The following CNTN5 variants were observed in gnomAD, a reference collection of about 807,000 sequenced individuals.
CNTN5 encodes the protein contactin-5.
A neutral mutation model predicts 129.1 loss-of-function variants in CNTN5; 77 were observed. That is an observed-to-expected ratio of 0.60 (90% confidence interval 0.50 to 0.72). The LOEUF (loss-of-function observed/expected upper bound fraction) is 0.72, where lower values mean the gene tolerates loss of function less well. CNTN5 is among the 30% of genes least tolerant of loss of function. The probability of loss-of-function intolerance (pLI) is 0.00; values close to 1 mark genes in which losing one functional copy is unlikely to be tolerated. For missense variants in CNTN5, 1,478 were observed against 1,328.8 expected, an observed-to-expected ratio of 1.11 and a Z score of -1.75; for synonymous variants, 509 against 465.6, an observed-to-expected ratio of 1.09 and a Z score of -1.20.
chr11:99,442,742 C>T (rs1943890879), intron 2 of CNTN5, among the ~76,000 whole-genome samples: 1 of 152,100 alleles, frequency 6.6e-6, no homozygotes, highest in Non-Finnish European at 1.5e-5. Flanking sequence ...GCACTTTAAA[C>T]CTCTATGGTA....
intron 1 of CNTN5, among the ~76,000 whole-genome samples, chr11:99,124,484 T>C (rs1858518744): frequency 6.6e-6 from 1 of 152,002 alleles, no homozygotes; most frequent in African/African-American, 2.4e-5. Context: ...CAGGGATGTA[T>C]ATAGCACTAA....
chr11:99,921,068 C>T (rs1184286296), intron 7 of CNTN5, among the ~76,000 whole-genome samples: 1 of 152,166 alleles, frequency 6.6e-6, no homozygotes, highest in Admixed American at 6.5e-5. Flanking sequence ...TCATCAGAAA[C>T]CAACCATGCT....
chr11:99,766,532 T>C (rs939666408), intron 3 of CNTN5, among the ~76,000 whole-genome samples: 9 of 152,062 alleles, frequency 5.9e-5, no homozygotes, highest in Non-Finnish European at 1.0e-4. Flanking sequence ...TGAAAACTAA[T>C]ATAAAGTTCT....
At chr11:99,782,348 A>C (rs1463672052) in intron 3 of CNTN5, among the ~76,000 whole-genome samples, 1 of 149,596 alleles carries the variant, frequency 6.7e-6, no homozygotes, top group Admixed American at 6.6e-5. Context: ...AAATGGAAGA[A>C]CATTCCATGC....
At chr11:100,228,162 T>C (rs1459023321) in intron 16 of CNTN5, among the ~76,000 whole-genome samples, 1 of 152,188 alleles carries the variant, frequency 6.6e-6, no homozygotes, top group Non-Finnish European at 1.5e-5. Flanking sequence ...CTATTTGTAT[T>C]ACTCTGCTTC....
intron 2 of CNTN5, among the ~76,000 whole-genome samples, chr11:99,465,636 AT>A (rs11400212): frequency 6.6e-6 from 1 of 150,462 alleles, no homozygotes; most frequent in African/African-American, 2.4e-5. Context: ...GAATAAATTA[AT>A]TTTTTTTAGA....
intron 4 of CNTN5, among the ~76,000 whole-genome samples, chr11:99,835,611 C>T (rs1473664853): frequency 6.6e-6 from 1 of 152,124 alleles, no homozygotes; most frequent in African/African-American, 2.4e-5. Flanking sequence ...TACGTAATAG[C>T]ACTGGGCCTT....
chr11:99,862,795 AG>A, intron 6 of CNTN5, among the ~76,000 whole-genome samples: 1 of 152,258 alleles, frequency 6.6e-6, no homozygotes, highest in South Asian at 2.1e-4. Context: ...TAAATATAAT[AG>A]CTCATTAGAG....
chr11:100,326,921 G>C (rs1284724452), intron 21 of CNTN5, among the ~76,000 whole-genome samples: 1 of 152,170 alleles, frequency 6.6e-6, no homozygotes, highest in African/African-American at 2.4e-5. Context: ...TTGAGAATGT[G>C]ATTGAACGTT....
intron 1 of CNTN5, among the ~76,000 whole-genome samples, chr11:99,071,450 A>T (rs1865338116): frequency 6.6e-6 from 1 of 152,178 alleles, no homozygotes; most frequent in East Asian, 1.9e-4. Context: ...AAAACAAAAA[A>T]ATTGCACAAG....
intron 6 of CNTN5, among the ~76,000 whole-genome samples, chr11:99,873,768 C>T (rs1948564150): frequency 6.6e-6 from 1 of 152,098 alleles, no homozygotes; most frequent in Non-Finnish European, 1.5e-5. Flanking sequence ...TCATGTTTAT[C>T]ATAGCACTGT....
chr11:99,270,419 C>A (rs557408496), intron 1 of CNTN5, among the ~76,000 whole-genome samples: 3 of 151,916 alleles, frequency 2.0e-5, no homozygotes, highest in African/African-American at 7.2e-5. Context: ...ACCTTCTTAA[C>A]CTTCTTACCT....
At chr11:99,809,442 T>C (rs1946366784) in intron 3 of CNTN5, among the ~76,000 whole-genome samples, 1 of 152,186 alleles carries the variant, frequency 6.6e-6, no homozygotes, top group African/African-American at 2.4e-5. Context: ...ATGTGGGATA[T>C]ATAATAATCA....
At chr11:100,204,146 A>G (rs1223804783) in intron 15 of CNTN5, among the ~76,000 whole-genome samples, 2 of 150,476 alleles carry the variant, frequency 1.3e-5, no homozygotes, top group Non-Finnish European at 1.5e-5. Flanking sequence ...GTTAGTTAGG[A>G]ACATACTTAT....
intron 2 of CNTN5, among the ~76,000 whole-genome samples, chr11:99,480,690 C>T (rs1945561999): frequency 6.6e-6 from 1 of 152,050 alleles, no homozygotes; most frequent in African/African-American, 2.4e-5. Flanking sequence ...AAATTCATAA[C>T]TTCTAATATG....
chr11:99,891,694 T>C (rs576372421), intron 6 of CNTN5, among the ~76,000 whole-genome samples: 1 of 152,340 alleles, frequency 6.6e-6, no homozygotes, highest in East Asian at 1.9e-4. Flanking sequence ...TATTCCTTGG[T>C]GTTTATGTGC....
chr11:99,305,224 A>C (rs1164473078), intron 1 of CNTN5, among the ~76,000 whole-genome samples: 1 of 152,192 alleles, frequency 6.6e-6, no homozygotes, highest in Non-Finnish European at 1.5e-5. Flanking sequence ...TCTCTGAATG[A>C]ATTATGAGAT....
chr11:99,658,141 C>G (rs964667856), intron 3 of CNTN5, among the ~76,000 whole-genome samples: 3 of 151,940 alleles, frequency 2.0e-5, no homozygotes, highest in Non-Finnish European at 2.9e-5. Flanking sequence ...AGTGTGCAAA[C>G]ACAAAAGCAA....
At chr11:99,997,262 T>C (rs1311001646) in intron 8 of CNTN5, among the ~76,000 whole-genome samples, 3 of 152,224 alleles carry the variant, frequency 2.0e-5, no homozygotes, top group Non-Finnish European at 4.4e-5. Context: ...ATTTTAGTTA[T>C]ATCTTGCCTT....
Sources: gnomAD v4.1 joint callset for allele counts (sites outside exome capture counted in the v4.1 genomes callset) on GRCh38, gnomAD v4.1.1 for gene constraint, MANE v1.5 for transcripts, NCBI Gene and HGNC (gene_info 2026-07-23, HGNC 2026-07-21) for gene names.